SMYD3: variants seen among roughly 807,000 people sequenced by gnomAD.
The protein encoded by SMYD3 is histone-lysine N-methyltransferase SMYD3.
SMYD3 carries 36 observed loss-of-function variants against 57.7 expected under a neutral mutation model. That is an observed-to-expected ratio of 0.62 (90% CI 0.48 to 0.82). SMYD3 has a LOEUF of 0.82. Ranked by LOEUF, SMYD3 falls within the 40% of genes least tolerant of loss-of-function variation. The probability of loss-of-function intolerance (pLI) is 0.00; values close to 1 mark genes in which losing one functional copy is unlikely to be tolerated. For synonymous variants in SMYD3, 211 were observed against 195.0 expected, an observed-to-expected ratio of 1.08 and a Z score of -0.68; for missense variants, 515 against 538.8, an observed-to-expected ratio of 0.96 and a Z score of 0.44.
chr1:246,391,660 A>G (rs912011930), intron 1 of SMYD3, among the ~76,000 whole-genome samples: 8 of 152,222 alleles, frequency 5.3e-5, no homozygotes, highest in Non-Finnish European at 1.0e-4. Context: ...TAAGACACAC[A>G]TATTACTAGA....
At chr1:246,449,737 G>A (rs7518504) in intron 1 of SMYD3, among the ~76,000 whole-genome samples, 31,563 of 137,432 alleles carry the variant, frequency 0.23, 3,535 homozygotes, top group Middle Eastern at 0.38. Flanking sequence ...AAAGGACACC[G>A]TGCCTGACAC....
chr1:246,396,574 T>TAAGATAACCAGTGTTA (rs1483553253), intron 1 of SMYD3, among the ~76,000 whole-genome samples: 8 of 152,068 alleles, frequency 5.3e-5, no homozygotes, highest in African/African-American at 1.9e-4. Flanking sequence ...AACCAGTGCT[T>TAAGATAACCAGTGTTA]TCATATACTC....
intron 1 of SMYD3, among the ~76,000 whole-genome samples, chr1:246,403,572 T>C (rs6679371): frequency 0.8 from 121,543 of 152,090 alleles, 50,121 homozygotes; most frequent in Non-Finnish European, 0.9. Context: ...GGATAATTTA[T>C]TCCCTATCCT....
At chr1:245,936,292 A>T (rs1303799326) in intron 5 of SMYD3, among the ~76,000 whole-genome samples, 1 of 152,224 alleles carries the variant, frequency 6.6e-6, no homozygotes, top group Non-Finnish European at 1.5e-5. Context: ...AAATTCTTAT[A>T]GAGCATCTCA....
chr1:245,932,158 A>G (rs2056760371), intron 5 of SMYD3, among the ~76,000 whole-genome samples: 1 of 152,252 alleles, frequency 6.6e-6, no homozygotes, highest in Non-Finnish European at 1.5e-5. Flanking sequence ...CACCAACAAA[A>G]AAACCAGGTC....
At chr1:245,954,532 C>T (rs75621900) in intron 5 of SMYD3, among the ~76,000 whole-genome samples, 3,825 of 152,168 alleles carry the variant, frequency 0.025, 144 homozygotes, top group African/African-American at 0.077. Context: ...AAACATTAGC[C>T]GAGCATGCTG....
chr1:246,185,435 C>T (rs1425740649), intron 5 of SMYD3, among the ~76,000 whole-genome samples: 1 of 132,142 alleles, frequency 7.6e-6, no homozygotes, highest in Admixed American at 8.0e-5. Context: ...CAGGGTTTTG[C>T]CATGTTAGTG....
At chr1:245,874,841 G>A (rs974227333) in intron 8 of SMYD3, among the ~76,000 whole-genome samples, 7 of 152,260 alleles carry the variant, frequency 4.6e-5, no homozygotes, top group African/African-American at 1.4e-4. Flanking sequence ...CTTGAAGCTG[G>A]AGGGTGGGTC....
rs2065905066 is a variant in SMYD3 at position 246,355,983 on chromosome 1, C to G, written c.165-889G>C. Reference sequence around the variant, plus strand: ...AGTTTGCTTCCTCCCTGTAGGACCACAGCTGATGTGTTCCTGAAAGCACCA... The same window carrying G: ...AGTTTGCTTCCTCCCTGTAGGACCAGAGCTGATGTGTTCCTGAAAGCACCA... On this transcript the variant is annotated intron_variant, in intron 1 of 11. Coordinates refer to ENST00000490107, the MANE Select transcript of SMYD3 (RefSeq NM_001167740.2). This position sits in a 1 kb window ranked among gnomAD's most constrained non-coding sequence, Gnocchi z 5.0. Among the ~76,000 whole-genome samples, 1 of 152,170 alleles carries G rather than the reference C, an allele frequency of 6.6e-6. No individual in the cohort carries two copies. Among genetic ancestry groups the G allele is most frequent in the Admixed American group, 6.5e-5 (1 of 15,272 alleles).
At chr1:245,836,373 CCTGAA>C (rs2050107517) in intron 10 of SMYD3, among the ~76,000 whole-genome samples, 1 of 152,224 alleles carries the variant, frequency 6.6e-6, no homozygotes, top group Non-Finnish European at 1.5e-5. Flanking sequence ...TCCGTGCGGT[CCTGAA>C]CTGACCATGC....
intron 5 of SMYD3, among the ~76,000 whole-genome samples, chr1:246,075,716 C>G (rs1471237047): frequency 6.6e-6 from 1 of 152,038 alleles, no homozygotes; most frequent in African/African-American, 2.4e-5. Context: ...ATAAAAGACT[C>G]TTTCTCTGAA....
At chr1:246,221,769 G>C (rs1413802390) in intron 5 of SMYD3, among the ~76,000 whole-genome samples, 1 of 152,138 alleles carries the variant, frequency 6.6e-6, no homozygotes, top group African/African-American at 2.4e-5. Flanking sequence ...CTCCATGCCT[G>C]ACTCCAGACT....
chr1:246,475,119 C>T (rs964069664), intron 1 of SMYD3, among the ~76,000 whole-genome samples: 2 of 151,940 alleles, frequency 1.3e-5, no homozygotes, highest in Non-Finnish European at 2.9e-5. Context: ...GAGTTCGTGA[C>T]CACCCTGACC....
At chr1:245,915,800 A>G (rs2055367803) in intron 7 of SMYD3, among the ~76,000 whole-genome samples, 160 bp from the exon 8 acceptor site, 1 of 152,230 alleles carries the variant, frequency 6.6e-6, no homozygotes, top group Non-Finnish European at 1.5e-5. Context: ...TACCCAAATG[A>G]TCACACGTAA....
chr1:246,385,339 G>T (rs1174650756), intron 1 of SMYD3, among the ~76,000 whole-genome samples: 2 of 151,910 alleles, frequency 1.3e-5, no homozygotes, highest in Non-Finnish European at 1.5e-5. Flanking sequence ...GTATACTTAG[G>T]ATATACCCAT....
intron 1 of SMYD3, among the ~76,000 whole-genome samples, chr1:246,363,349 G>A (rs1450835801): frequency 5.3e-5 from 8 of 151,394 alleles, no homozygotes; most frequent in Non-Finnish European, 8.9e-5. Context: ...GGTGAGGGGC[G>A]CCTCTGCCCG....
At chr1:246,390,022 G>T (rs67505250) in intron 1 of SMYD3, among the ~76,000 whole-genome samples, 2 of 151,608 alleles carry the variant, frequency 1.3e-5, no homozygotes, top group Non-Finnish European at 2.9e-5. Flanking sequence ...CAAAACTCCA[G>T]GTCTTTATCA....
chr1:246,348,060 T>TCATCTATATATA (rs1173574600), intron 2 of SMYD3, among the ~76,000 whole-genome samples: 1 of 82,978 alleles, frequency 1.2e-5, no homozygotes, highest in Non-Finnish European at 2.7e-5. Context: ...AAAGAAAACG[T>TCATCTATATATA]TATATATATA....
At chr1:246,180,298 A>G (rs2062518852) in intron 5 of SMYD3, among the ~76,000 whole-genome samples, 2 of 146,080 alleles carry the variant, frequency 1.4e-5, no homozygotes, top group African/African-American at 5.0e-5. Context: ...TTATATATAT[A>G]TAAGTATATA....
Sources: gnomAD v4.1 joint callset for allele counts (sites outside exome capture counted in the v4.1 genomes callset) on GRCh38, gnomAD v4.1.1 for gene constraint, Gnocchi (gnomAD v3.1) non-coding constraint, MANE v1.5 for transcripts, NCBI Gene and HGNC (gene_info 2026-07-23, HGNC 2026-07-21) for gene names.